AEBP2: variants seen among roughly 807,000 people sequenced by gnomAD.
AEBP2 encodes zinc finger protein AEBP2.
In AEBP2, 10 loss-of-function variants were observed where a neutral mutation model predicts 50.8. That is an observed-to-expected ratio of 0.20 (90% CI 0.12 to 0.33). The LOEUF (loss-of-function observed/expected upper bound fraction) is 0.33. Among genes scored for constraint, AEBP2 ranks in the 10% least tolerant of loss-of-function variants. The pLI is 1.00. For missense variants in AEBP2, 570 were observed against 688.0 expected (o/e 0.83, Z 1.92); for synonymous variants, 296 against 261.3 (o/e 1.13, Z -1.28).
intron 1 of AEBP2, among the ~76,000 whole-genome samples, chr12:19,442,162 A>C (rs893301774): frequency 1.3e-5 from 2 of 152,148 alleles, no homozygotes; most frequent in Non-Finnish European, 2.9e-5. Flanking sequence ...TAACCCCAGG[A>C]CTTTGGGAGG....
At chr12:19,495,081 T>C (rs970109844) in intron 4 of AEBP2, among the ~76,000 whole-genome samples, 3 of 152,126 alleles carry the variant, frequency 2.0e-5, no homozygotes, top group African/African-American at 7.2e-5. Flanking sequence ...AATCATTATA[T>C]TTTTAGTAGA....
intron 1 of AEBP2, among the ~76,000 whole-genome samples, chr12:19,404,926 T>C (rs2095735371): frequency 6.9e-6 from 1 of 144,146 alleles, no homozygotes; most frequent in Non-Finnish European, 1.5e-5. Context: ...CTTCCTTGGC[T>C]ACTCTTTTTT....
chr12:19,459,676 G>T (rs1168794245), intron 1 of AEBP2, among the ~76,000 whole-genome samples: 1 of 152,168 alleles, frequency 6.6e-6, no homozygotes, highest in South Asian at 2.1e-4. Context: ...GAGTTTTACA[G>T]AGATTACAGA....
upstream of AEBP2, among the ~76,000 whole-genome samples, chr12:19,435,930 G>A (rs369900854): frequency 2.4e-4 from 36 of 152,250 alleles, no homozygotes; most frequent in African/African-American, 8.2e-4. Flanking sequence ...ACTTTTGTCA[G>A]AGGTGTTCGA....
rs547990715 is a variant in AEBP2, at chr12:19,429,383, G to A, written c.-17+25167G>A. Reference sequence around the variant, plus strand: ...TTCTTAATCCAGTCTATCACTGGTGGACATTTGGGTTGGTTCCAAGTCTTT... The same window carrying A: ...TTCTTAATCCAGTCTATCACTGGTGAACATTTGGGTTGGTTCCAAGTCTTT... On this transcript the variant is annotated intron_variant, in intron 1 of 3. Transcript: ENST00000538425. 2.4e-4 allele frequency among the ~76,000 whole-genome samples: 37 copies of A among 152,314 alleles called. No homozygotes were observed. The South Asian group carries it at 4.1e-3, about 17-fold the overall frequency.
chr12:19,487,801 TGTAA>T (rs1306234858), intron 3 of AEBP2, among the ~76,000 whole-genome samples: 1 of 152,112 alleles, frequency 6.6e-6, no homozygotes, highest in Non-Finnish European at 1.5e-5. Flanking sequence ...GTTTCATATA[TGTAA>T]GCGATTATTG....
chr12:19,509,270 T>A, intron 5 of AEBP2: 2 of 272,796 alleles, frequency 7.3e-6, no homozygotes, highest in East Asian at 7.4e-5. Context: ...GCAACTTTTT[T>A]AAGTAATAAA....
At chr12:19,502,301 T>C (rs1949093741) in intron 5 of AEBP2, among the ~76,000 whole-genome samples, 1 of 151,888 alleles carries the variant, frequency 6.6e-6, no homozygotes, top group Non-Finnish European at 1.5e-5. Context: ...GCCCAGCTAA[T>C]TTTTGTATTT....
rs114864321 is a variant in AEBP2, at chr12:19,476,187, T to G, written c.987+2832T>G. On this transcript the variant is annotated intron_variant, in intron 3 of 7. Transcript: ENST00000266508. ...CCAATGTTATCTTCCAGAATTTTTA[T>G]GGTTTAAGGTCTTAGATTTAAGTCT... Among the ~76,000 whole-genome samples the G allele has an allele frequency of 5.2e-3, 799 of 152,344 alleles. 6 individuals are homozygous for G. The highest frequency in any genetic ancestry group is 0.018 in the African/African-American group (763 of 41,584).
At chr12:19,496,262 G>A (rs1175915906) in intron 4 of AEBP2, among the ~76,000 whole-genome samples, 2 of 152,186 alleles carry the variant, frequency 1.3e-5, no homozygotes. Context: ...TGACGGTGGT[G>A]TTTTTCCTCA....
At chr12:19,422,620 C>T (rs1334404725) in intron 1 of AEBP2, among the ~76,000 whole-genome samples, 1 of 151,946 alleles carries the variant, frequency 6.6e-6, no homozygotes, top group African/African-American at 2.4e-5. Flanking sequence ...CCTCAGCCTC[C>T]TGAGTAGCTG....
intron 7 of AEBP2, among the ~76,000 whole-genome samples, chr12:19,517,061 A>T (rs187332892): frequency 1.3e-5 from 2 of 152,210 alleles, no homozygotes; most frequent in African/African-American, 2.4e-5. Flanking sequence ...CTTAATTTTG[A>T]CTCTAAACCT....
chr12:19,419,601 T>TAA (rs1017639221), intron 1 of AEBP2, among the ~76,000 whole-genome samples: 1 of 117,182 alleles, frequency 8.5e-6, no homozygotes, highest in Non-Finnish European at 1.8e-5. Context: ...AAAATAATAA[T>TAA]AAAAAAAAAA....
At chr12:19,509,173 G>A in intron 5 of AEBP2, 1 of 414,892 alleles carries the variant, frequency 2.4e-6, no homozygotes. Flanking sequence ...TTTGTGACAG[G>A]ATCAAACATG....
At chr12:19,506,649 A>T (rs1344726723) in intron 5 of AEBP2, among the ~76,000 whole-genome samples, 1 of 152,134 alleles carries the variant, frequency 6.6e-6, no homozygotes, top group Non-Finnish European at 1.5e-5. Context: ...CTTTTCCCTC[A>T]TGCAGGCTTT....
chr12:19,501,844 A>C (rs1266655170), intron 5 of AEBP2, among the ~76,000 whole-genome samples: 1 of 101,220 alleles, frequency 9.9e-6, no homozygotes. Flanking sequence ...TTCTGCGTGC[A>C]GTCATCCCTC....
chr12:19,470,784 T>A (rs1948559147), intron 2 of AEBP2, among the ~76,000 whole-genome samples: 1 of 152,170 alleles, frequency 6.6e-6, no homozygotes. Context: ...CAGTGCTTAT[T>A]TCGAAGGAAC....
chr12:19,498,672 A>C (rs1949021770), intron 4 of AEBP2, among the ~76,000 whole-genome samples: 1 of 152,198 alleles, frequency 6.6e-6, no homozygotes, highest in Non-Finnish European at 1.5e-5. Flanking sequence ...AGCTCCACAA[A>C]TGTAAAATAA....
At chr12:19,421,829 A>G (rs2095745983) in intron 1 of AEBP2, among the ~76,000 whole-genome samples, 1 of 152,158 alleles carries the variant, frequency 6.6e-6, no homozygotes, top group South Asian at 2.1e-4. Context: ...ATTTACCTGC[A>G]GTACAAATAT....
Sources: allele counts gnomAD v4.1 joint callset (sites outside exome capture counted in the v4.1 genomes callset), GRCh38; gene constraint gnomAD v4.1.1; transcripts MANE v1.5; gene names NCBI Gene and HGNC (gene_info 2026-07-23, HGNC 2026-07-21).